The following SCNN1G variants were observed in gnomAD, a reference collection of about 807,000 sequenced individuals.
SCNN1G encodes the protein epithelial sodium channel subunit gamma.
SCNN1G carries 27 observed loss-of-function variants against 64.6 expected under a neutral mutation model. That is an observed-to-expected ratio of 0.42 (90% CI 0.31 to 0.58). The LOEUF is 0.58. Ranked by LOEUF, SCNN1G falls within the 20% of genes least tolerant of loss-of-function variation. The pLI is 0.18. For synonymous variants in SCNN1G, 330 were observed against 314.2 expected (o/e 1.05, Z -0.53); for missense variants, 743 against 823.4 (o/e 0.90, Z 1.19).
chr16:23,214,931 T>C, intron 12 of SCNN1G, 144 bp downstream of exon 12: 1 of 1,104,848 alleles, frequency 9.1e-7, no homozygotes, highest in South Asian at 1.3e-5. Flanking sequence ...CAGGTCGGAA[T>C]GCACAGAGTA....
intron 8 of SCNN1G, 87 bp downstream of exon 8, chr16:23,212,238 T>A (rs941645765): frequency 3.5e-6 from 3 of 853,290 alleles, no homozygotes; most frequent in Non-Finnish European, 4.0e-6. Flanking sequence ...ACTCCACCCC[T>A]GTTGCCTTTT....
intron 7 of SCNN1G, among the ~76,000 whole-genome samples, chr16:23,211,376 A>C (rs1196669957): frequency 2.0e-5 from 3 of 152,154 alleles, no homozygotes; most frequent in African/African-American, 7.2e-5. Context: ...GAACACAGGG[A>C]CTGTGTTTAT....
intron 3 of SCNN1G, among the ~76,000 whole-genome samples, chr16:23,190,498 T>C (rs1370046047): frequency 6.6e-6 from 1 of 152,206 alleles, no homozygotes; most frequent in African/African-American, 2.4e-5. Context: ...ATTTCAGATA[T>C]TGCTGCTGGA....
intron 7 of SCNN1G, among the ~76,000 whole-genome samples, chr16:23,210,401 G>T (rs1366986847): frequency 2.0e-5 from 3 of 152,162 alleles, no homozygotes; most frequent in Non-Finnish European, 2.9e-5. Flanking sequence ...AAACGATACA[G>T]CAACATTGAG....
intron 2 of SCNN1G, 53 bp downstream of exon 2, chr16:23,186,641 G>A (rs997377469): frequency 2.0e-6 from 3 of 1,495,592 alleles, no homozygotes; most frequent in Non-Finnish European, 2.8e-6. Flanking sequence ...CCCCACAGAG[G>A]CCAAAGCCCC....
Position 23,215,225 on chromosome 16 carries a change from C to G in SCNN1G, c.1706C>G (p.Ala569Gly), listed in dbSNP as rs1367515424. ...SIIARRQWQKAKEWWAWKQAP... is the reference protein window; with the variant it reads ...SIIARRQWQKGKEWWAWKQAP... ...ATTGCCCGCCGCCAGTGGCAGAAAG[C>G]CAAGGAGTGGTGGGCCTGGAAACAG... The change falls in exon 13 of 13, where the codon GCC becomes GGC. Residue 569 changes from alanine (A) to glycine (G), a missense_variant. Ala to Gly is a moderately conservative substitution (Grantham distance 60). Transcript: ENST00000300061. 6.2e-7 allele frequency: 1 copy of G among 1,614,156 alleles called. No individual in the cohort carries two copies. The highest frequency in any genetic ancestry group is 1.1e-5 in the South Asian group (1 of 91,076).
At chr16:23,208,016 C>T (rs1041394008) in intron 6 of SCNN1G, among the ~76,000 whole-genome samples, 11 of 152,320 alleles carry the variant, frequency 7.2e-5, no homozygotes, top group Middle Eastern at 3.4e-3. Flanking sequence ...TGGATGCACA[C>T]AGCACACAAA....
chr16:23,186,133 C>T (rs999351523), intron 1 of SCNN1G, 95 bp from the exon 2 acceptor site: 4 of 773,444 alleles, frequency 5.2e-6, no homozygotes, highest in East Asian at 2.6e-5. Flanking sequence ...TCTCTAAGGG[C>T]GCATGGACTG....
At chr16:23,202,189 C>T (rs1959900802) in intron 6 of SCNN1G, among the ~76,000 whole-genome samples, 1 of 138,938 alleles carries the variant, frequency 7.2e-6, no homozygotes, top group Non-Finnish European at 1.5e-5. Context: ...TGCCTGGTTC[C>T]AAAGCTTACT....
At position 23,189,441 on chromosome 16, in the gene SCNN1G, G is replaced by A. The variant is rs372056840; in HGVS notation, c.388G>A (p.Gly130Ser). The A allele has an allele frequency of 2.5e-6, 4 of 1,614,174 alleles. No individual in the cohort carries two copies. Among genetic ancestry groups the A allele is most frequent in the Non-Finnish European group, 2.5e-6 (3 of 1,180,026 alleles). ...CAGAGAGGCCCTGAAGTCCCTGTAT[G>A]GCTTTCCAGAGTCCCGGAAGCGCCG... ...ETREALKSLYGFPESRKRREA... is the reference protein window; with the variant it reads ...ETREALKSLYSFPESRKRREA... The change falls in exon 3 of 13, where the codon GGC becomes AGC. Residue 130 changes from glycine to serine, a missense_variant. Gly to Ser is a moderately conservative substitution (Grantham distance 56). Transcript: ENST00000300061.
At chr16:23,202,180 G>T (rs939401848) in intron 6 of SCNN1G, among the ~76,000 whole-genome samples, 1 of 146,272 alleles carries the variant, frequency 6.8e-6, no homozygotes, top group African/African-American at 2.5e-5. Flanking sequence ...GACCTTTTCT[G>T]CCTGGTTCCA....
At chr16:23,191,392 A>G (rs963357896) in intron 3 of SCNN1G, among the ~76,000 whole-genome samples, 9 of 152,120 alleles carry the variant, frequency 5.9e-5, no homozygotes, top group East Asian at 1.9e-4. Flanking sequence ...GATATCTGCA[A>G]GGCTCTTCTT....
intron 3 of SCNN1G, among the ~76,000 whole-genome samples, chr16:23,190,241 A>C (rs1159205821): frequency 6.6e-6 from 1 of 152,042 alleles, no homozygotes; most frequent in East Asian, 1.9e-4. Flanking sequence ...CCAGCACTTA[A>C]AGTAAAATTA....
intron 3 of SCNN1G, 35 bp downstream of exon 3, chr16:23,189,706 GGGGCATGGGAT>G (rs747956263): frequency 3.1e-5 from 49 of 1,604,622 alleles, no homozygotes; most frequent in Middle Eastern, 3.3e-4. Context: ...TCACTGCTTA[GGGGCATGGGAT>G]GGGCTGGGTC....
chr16:23,203,358 G>T (rs745622278), intron 6 of SCNN1G, among the ~76,000 whole-genome samples: 1 of 152,108 alleles, frequency 6.6e-6, no homozygotes. Context: ...TGGGGTTGGG[G>T]ACCAGGCCCT....
chr16:23,202,159 C>G (rs1959900142), intron 6 of SCNN1G, among the ~76,000 whole-genome samples: 1 of 150,696 alleles, frequency 6.6e-6, no homozygotes, highest in South Asian at 2.1e-4. Context: ...GTTTCCATCT[C>G]TGTGGAAACA....
chr16:23,213,122 C>A lies in SCNN1G; in HGVS notation c.1452C>A (p.Leu484=), dbSNP rs72647527. Reference sequence around the variant, plus strand: ...TGTAGAAGTGGTTGCTGCCTGTTCTCACTTGGGACCAAGGCCGGCAAGTAA... The same window carrying A: ...TGTAGAAGTGGTTGCTGCCTGTTCTAACTTGGGACCAAGGCCGGCAAGTAA... ...VVSEKWLLPV[L]TWDQGRQVNK... is the part of the protein sequence containing the mutation. The change falls in exon 11 of 13, where the codon CTC becomes CTA. Residue 484 remains leucine (L), a synonymous_variant. Coordinates refer to ENST00000300061, the MANE Select transcript of SCNN1G (RefSeq NM_001039.4). The A allele has an allele frequency of 1.2e-4, 201 of 1,613,876 alleles. No individual in the cohort carries two copies. The African/African-American group carries it at 2.4e-3, about 19-fold the overall frequency.
chr16:23,214,697 G>A lies in SCNN1G; in HGVS notation c.1494-15G>A, dbSNP rs753596140. ...GGATGCCAAGGCTCTTGATTCACCT[G>A]TTGGAATTTTGCAGGACAGACTTGG... On this transcript the variant is annotated splice_polypyrimidine_tract_variant and intron_variant, in intron 11 of 12. Transcript: ENST00000300061. 1 of 1,608,512 alleles carries A rather than the reference G, an allele frequency of 6.2e-7. No individual in the cohort carries two copies.
intron 5 of SCNN1G, 84 bp downstream of exon 5, chr16:23,194,358 T>C: frequency 2.1e-6 from 2 of 968,174 alleles, no homozygotes; most frequent in Non-Finnish European, 3.4e-6. Context: ...GCGGGAGCCC[T>C]CTGGAAAAGC....
Sources: gnomAD v4.1 joint callset for allele counts (sites outside exome capture counted in the v4.1 genomes callset) on GRCh38, gnomAD v4.1.1 for gene constraint, MANE v1.5 for transcripts, NCBI Gene and HGNC (gene_info 2026-07-23, HGNC 2026-07-21) for gene names.